Variants in DLG2 observed in about 807,000 individuals in gnomAD.
DLG2 encodes the protein discs large MAGUK scaffold protein 2.
In DLG2, 45 loss-of-function variants were observed where a neutral mutation model predicts 132.5. The ratio of observed to expected loss-of-function variants is 0.34; its 90% CI spans 0.27 to 0.44. The LOEUF is 0.44. DLG2 is among the 20% of genes least tolerant of loss of function. DLG2 has a pLI of 1.00. For missense variants in DLG2, 1,045 were observed against 1,196.9 expected (o/e 0.87, Z 1.87); for synonymous variants, 424 against 419.6 (o/e 1.01, Z -0.13).
At chr11:84,732,976 C>T (rs1209488447) in intron 6 of DLG2, among the ~76,000 whole-genome samples, 2 of 151,916 alleles carry the variant, frequency 1.3e-5, no homozygotes, top group Non-Finnish European at 2.9e-5. Flanking sequence ...GAACTCATCA[C>T]TTTTTATGGC....
intron 18 of DLG2, among the ~76,000 whole-genome samples, chr11:83,760,158 A>T (rs2093837141): frequency 6.6e-6 from 1 of 152,172 alleles, no homozygotes; most frequent in South Asian, 2.1e-4. Context: ...TCTTCTTGTG[A>T]ATTCCTGAAG....
At chr11:84,751,916 T>C (rs1345416923) in intron 6 of DLG2, among the ~76,000 whole-genome samples, 7 of 152,206 alleles carry the variant, frequency 4.6e-5, no homozygotes, top group Non-Finnish European at 1.0e-4. Context: ...GCATAGAGGA[T>C]GCAGTAGCTC....
intron 19 of DLG2, among the ~76,000 whole-genome samples, chr11:83,609,560 C>A (rs944455260): frequency 6.6e-6 from 1 of 152,126 alleles, no homozygotes; most frequent in Admixed American, 6.5e-5. Context: ...TGATTTTAAA[C>A]CCAAAAACGA....
intron 15 of DLG2, among the ~76,000 whole-genome samples, chr11:83,928,152 AAAG>A (rs2079344495): frequency 6.6e-6 from 1 of 152,050 alleles, no homozygotes; most frequent in Non-Finnish European, 1.5e-5. Flanking sequence ...AAAGAAGGAG[AAAG>A]AAGGGGACCA....
intron 3 of DLG2, among the ~76,000 whole-genome samples, chr11:85,307,585 T>C (rs2080038330): frequency 6.6e-6 from 1 of 152,194 alleles, no homozygotes; most frequent in Non-Finnish European, 1.5e-5. Context: ...CGATGATCCC[T>C]TTCCTCAATT....
intron 8 of DLG2, among the ~76,000 whole-genome samples, chr11:84,192,011 G>T (rs897091571): frequency 7.3e-6 from 1 of 137,928 alleles, no homozygotes; most frequent in Non-Finnish European, 1.7e-5. Context: ...CATTCTAATA[G>T]CACTATACAG....
chr11:85,496,212 C>A (rs536323632), intron 3 of DLG2, among the ~76,000 whole-genome samples: 2 of 152,168 alleles, frequency 1.3e-5, no homozygotes, highest in Non-Finnish European at 2.9e-5. Context: ...CTGCACTTTT[C>A]CCACAGTCTT....
At chr11:84,032,700 A>T (rs899730690) in intron 11 of DLG2, among the ~76,000 whole-genome samples, 3 of 152,212 alleles carry the variant, frequency 2.0e-5, no homozygotes, top group African/African-American at 7.2e-5. Flanking sequence ...TTGGAAGAAG[A>T]TGACATTTAG....
intron 3 of DLG2, among the ~76,000 whole-genome samples, chr11:85,352,446 G>T (rs1222980920): frequency 1.3e-5 from 2 of 152,180 alleles, no homozygotes; most frequent in Non-Finnish European, 2.9e-5. Flanking sequence ...CTTGCCTTCT[G>T]CTAGCTTTTG....
At chr11:84,335,366 C>G (rs1219978649) in intron 7 of DLG2, among the ~76,000 whole-genome samples, 1 of 151,904 alleles carries the variant, frequency 6.6e-6, no homozygotes, top group African/African-American at 2.4e-5. Flanking sequence ...CAACATTGTG[C>G]TGGAGGATAA....
chr11:84,302,232 G>T (rs1299955726), intron 7 of DLG2, among the ~76,000 whole-genome samples: 4 of 152,058 alleles, frequency 2.6e-5, no homozygotes, highest in Admixed American at 2.6e-4. Context: ...AGCATTAAGA[G>T]AAATACCTAA....
At chr11:84,308,274 T>C (rs1599575473) in intron 7 of DLG2, among the ~76,000 whole-genome samples, 1 of 151,754 alleles carries the variant, frequency 6.6e-6, no homozygotes. Flanking sequence ...AGATACAGAG[T>C]GTGGACACAA....
chr11:84,066,632 G>T (rs569082447), intron 10 of DLG2, among the ~76,000 whole-genome samples: 1 of 152,212 alleles, frequency 6.6e-6, no homozygotes, highest in African/African-American at 2.4e-5. Flanking sequence ...ATGGTGGCAG[G>T]CGCCTGTAAT....
intron 6 of DLG2, among the ~76,000 whole-genome samples, chr11:84,609,458 T>G (rs2154536910): frequency 6.6e-6 from 1 of 152,208 alleles, no homozygotes; most frequent in African/African-American, 2.4e-5. Flanking sequence ...CAGTTTTTGG[T>G]GAGAAGACAT....
chr11:83,925,945 T>C (rs924560139), intron 15 of DLG2, among the ~76,000 whole-genome samples: 3 of 152,144 alleles, frequency 2.0e-5, no homozygotes, highest in African/African-American at 7.2e-5. Context: ...AGGAGTCCCA[T>C]AGAAATCCTA....
At chr11:85,393,515 C>G (rs1236173563) in intron 3 of DLG2, among the ~76,000 whole-genome samples, 1 of 152,082 alleles carries the variant, frequency 6.6e-6, no homozygotes, top group Admixed American at 6.6e-5. Flanking sequence ...GACACCTGCA[C>G]ACACACGTGT....
chr11:84,710,927 GA>G (rs953034307), intron 6 of DLG2, among the ~76,000 whole-genome samples: 23 of 148,286 alleles, frequency 1.6e-4, no homozygotes, highest in Admixed American at 8.8e-4. Context: ...AATTTATATG[GA>G]AAAAATATTA....
chr11:84,851,816 AT>A (rs2082200223), intron 6 of DLG2, among the ~76,000 whole-genome samples: 1 of 151,816 alleles, frequency 6.6e-6, no homozygotes, highest in Non-Finnish European at 1.5e-5. Flanking sequence ...TTTTCAAAGT[AT>A]TTTTATTTAA....
At chr11:83,969,807 A>G (rs1176477423) in intron 12 of DLG2, among the ~76,000 whole-genome samples, 3 of 152,120 alleles carry the variant, frequency 2.0e-5, no homozygotes, top group African/African-American at 7.2e-5. Context: ...TCCTGACCTC[A>G]GGTGATTCAC....
Sources: allele counts gnomAD v4.1 joint callset (sites outside exome capture counted in the v4.1 genomes callset), GRCh38; gene constraint gnomAD v4.1.1; transcripts MANE v1.5; gene names NCBI Gene and HGNC (gene_info 2026-07-23, HGNC 2026-07-21).